Variants in TMEM131L observed in about 807,000 individuals in gnomAD.
TMEM131L encodes the protein transmembrane protein 131-like.
A neutral mutation model predicts 192.2 loss-of-function variants in TMEM131L; 54 were observed. The observed-to-expected ratio is 0.28, with a 90% CI of 0.23 to 0.35. The LOEUF (loss-of-function observed/expected upper bound fraction) is 0.35, where lower values mean the gene tolerates loss of function less well. Ranked by LOEUF, TMEM131L falls within the 10% of genes least tolerant of loss-of-function variation. TMEM131L has a pLI of 1.00. For missense variants in TMEM131L, 1,888 were observed against 1,972.9 expected (o/e 0.96, Z 0.82); for synonymous variants, 701 against 704.9 (o/e 0.99, Z 0.09).
At chr4:153,506,043 G>T (rs1257775142) in intron 3 of TMEM131L, among the ~76,000 whole-genome samples, 1 of 152,132 alleles carries the variant, frequency 6.6e-6, no homozygotes, top group Non-Finnish European at 1.5e-5. Flanking sequence ...ATTTGAAGTA[G>T]AACTAACTTA....
At chr4:153,615,870 A>G (rs544263796) in intron 26 of TMEM131L, among the ~76,000 whole-genome samples, 11 of 152,220 alleles carry the variant, frequency 7.2e-5, no homozygotes, top group Middle Eastern at 3.4e-3. Flanking sequence ...GCCTATTTCA[A>G]ACTCTCCTCC....
At chr4:153,518,225 C>T (rs2150126245) in intron 3 of TMEM131L, among the ~76,000 whole-genome samples, 1 of 152,294 alleles carries the variant, frequency 6.6e-6, no homozygotes, top group Non-Finnish European at 1.5e-5. Context: ...GCATGCTGTG[C>T]ACTGTGATTG....
chr4:153,514,554 A>G (rs1734580332), intron 3 of TMEM131L, among the ~76,000 whole-genome samples: 1 of 152,216 alleles, frequency 6.6e-6, no homozygotes, highest in Non-Finnish European at 1.5e-5. Flanking sequence ...TACAAATGGC[A>G]TCTCATTTAA....
chr4:153,623,367 C>T (rs746401279), intron 29 of TMEM131L, among the ~76,000 whole-genome samples: 5 of 152,228 alleles, frequency 3.3e-5, no homozygotes, highest in African/African-American at 7.2e-5. Flanking sequence ...AATGACACCG[C>T]ATTTGCCATT....
chr4:153,610,106 T>C (rs1381094859), intron 25 of TMEM131L, among the ~76,000 whole-genome samples: 1 of 152,226 alleles, frequency 6.6e-6, no homozygotes, highest in Non-Finnish European at 1.5e-5. Flanking sequence ...TGTTAGATGC[T>C]CTTGGTTCGG....
At chr4:153,582,904 T>C (rs1730458279) in intron 9 of TMEM131L, among the ~76,000 whole-genome samples, 1 of 152,124 alleles carries the variant, frequency 6.6e-6, no homozygotes, top group Non-Finnish European at 1.5e-5. Flanking sequence ...CAGAAGAGCA[T>C]TGTGTGACCC....
In TMEM131L at chr4:153,634,267, T is replaced by C. The variant is rs148293361; in HGVS notation, c.4404T>C (p.Asn1468=). The C allele has an allele frequency of 4.6e-5, 75 of 1,613,420 alleles. No homozygotes were observed. The highest frequency in any genetic ancestry group is 5.9e-5 in the Non-Finnish European group (70 of 1,179,554). Residue 1468 remains asparagine, a synonymous_variant, in exon 33 of 35, where the codon AAT becomes AAC. Coordinates refer to ENST00000409959, the MANE Select transcript of TMEM131L (RefSeq NM_001131007.2). ...AYCPLELNDY[N]AFPEENMNYA... ...GTCCATTGGAATTGAACGATTACAA[T>C]GCCTTTCCAGAAGGTAAGGGCTCTT... is the stretch of plus-strand genomic sequence containing the variant.
intron 9 of TMEM131L, among the ~76,000 whole-genome samples, chr4:153,582,433 GTTTTTTTTTTTT>G (rs1038256479): frequency 6.0e-4 from 24 of 40,326 alleles, no homozygotes; most frequent in South Asian, 1.7e-3. Flanking sequence ...TTTTTTTGTT[GTTTTTTTTTTTT>G]TTTTTTTTTT....
At chr4:153,614,525 C>T (rs553063274) in intron 26 of TMEM131L, among the ~76,000 whole-genome samples, 1 of 151,930 alleles carries the variant, frequency 6.6e-6, no homozygotes, top group East Asian at 1.9e-4. Context: ...TGGTGGGGGG[C>T]GGCGGGGTGG....
chr4:153,584,758 A>G, intron 11 of TMEM131L, 77 bp from the exon 12 acceptor site: 1 of 911,500 alleles, frequency 1.1e-6, no homozygotes, highest in Non-Finnish European at 1.7e-6. Context: ...ATTTATAAAT[A>G]AGACATATAT....
chr4:153,494,645 C>T (rs1040282802), intron 3 of TMEM131L, among the ~76,000 whole-genome samples: 3 of 152,208 alleles, frequency 2.0e-5, no homozygotes, highest in Non-Finnish European at 4.4e-5. Flanking sequence ...AGGAAAGCCC[C>T]TTCTGCCAAA....
At chr4:153,474,862 A>G (rs1318276908) in intron 3 of TMEM131L, among the ~76,000 whole-genome samples, 2 of 152,026 alleles carry the variant, frequency 1.3e-5, no homozygotes, top group Non-Finnish European at 2.9e-5. Context: ...GGTCCTGTGA[A>G]TTCCATTTTT....
intron 3 of TMEM131L, among the ~76,000 whole-genome samples, chr4:153,537,509 T>C (rs1253951804): frequency 1.3e-5 from 2 of 152,220 alleles, no homozygotes; most frequent in African/African-American, 4.8e-5. Context: ...GGGTGGATTA[T>C]TTATGCCTCC....
At chr4:153,622,772 C>T (rs1189773686) in intron 28 of TMEM131L, 126 bp from the exon 29 acceptor site, 5 of 860,808 alleles carry the variant, frequency 5.8e-6, no homozygotes, top group Non-Finnish European at 7.7e-6. Context: ...TCCTTTCTTG[C>T]TAGATGAGCA....
Position 153,602,626 on chromosome 4 carries a change from C to T in TMEM131L, c.2538C>T (p.Leu846=). 6.2e-7 allele frequency: 1 copy of T among 1,614,094 alleles called. No homozygotes were observed. The highest frequency in any genetic ancestry group is 8.5e-7 in the Non-Finnish European group (1 of 1,179,978). The change falls in exon 23 of 35, where the codon CTC becomes CTT. Residue 846 remains leucine, a synonymous_variant. Transcript: ENST00000409959. ...TAADLEFRFT[L]NVTLPHHLLP... The stretch of plus-strand genomic sequence containing the variant: ...CGGACCTAGAATTTCGCTTCACTCT[C>T]AATGTGACTCTCCCTCATCACCTGT...
intron 3 of TMEM131L, among the ~76,000 whole-genome samples, chr4:153,475,576 A>G (rs956523323): frequency 6.6e-6 from 1 of 152,164 alleles, no homozygotes; most frequent in Admixed American, 6.5e-5. Context: ...TTAATTACCT[A>G]TCAAAATTTG....
intron 7 of TMEM131L, among the ~76,000 whole-genome samples, chr4:153,560,576 C>A (rs1728783171): frequency 6.6e-6 from 1 of 152,234 alleles, no homozygotes; most frequent in African/African-American, 2.4e-5. Flanking sequence ...CCCTCACGAT[C>A]ACTGTCTAAT....
Position 153,612,359 on chromosome 4 carries a change from G to A in TMEM131L, c.3526G>A (p.Glu1176Lys), listed in dbSNP as rs1732682797. 1 of 1,596,928 alleles carries A rather than the reference G, an allele frequency of 6.3e-7. No homozygotes were observed. Among genetic ancestry groups the A allele is most frequent in the Non-Finnish European group, 8.5e-7 (1 of 1,174,966 alleles). ...AAAGAAGATTCACAAAACATCTAGAGAAGACATGTTTTCTGAGAAACAGGA... is the reference window on the plus strand; with the variant it reads ...AAAGAAGATTCACAAAACATCTAGAAAAGACATGTTTTCTGAGAAACAGGA... ...SEKKIHKTSR[E>K]DMFSEKQDIP... The change falls in exon 26 of 35, where the codon GAA (glutamate) becomes AAA (lysine). Residue 1176 changes from glutamate to lysine, a missense_variant. By Grantham distance (56) the Glu-to-Lys change is moderately conservative. Coordinates refer to ENST00000409959, the MANE Select transcript of TMEM131L (RefSeq NM_001131007.2).
intron 15 of TMEM131L, among the ~76,000 whole-genome samples, chr4:153,588,372 C>T (rs1216400300): frequency 3.2e-4 from 46 of 144,278 alleles, no homozygotes; most frequent in Middle Eastern, 7.0e-3. Context: ...CCCACCTCTC[C>T]TTCCTGATAC....
Sources: allele counts gnomAD v4.1 joint callset (sites outside exome capture counted in the v4.1 genomes callset), GRCh38; gene constraint gnomAD v4.1.1; transcripts MANE v1.5; gene names NCBI Gene and HGNC (gene_info 2026-07-23, HGNC 2026-07-21).